Variants in NUP214 observed in about 807,000 individuals in gnomAD.
NUP214 encodes nuclear pore complex protein Nup214.
A neutral mutation model predicts 196.2 loss-of-function variants in NUP214; 79 were observed. That is an observed-to-expected ratio of 0.40 (90% CI 0.34 to 0.49). NUP214 has a LOEUF of 0.49. Ranked by LOEUF, NUP214 falls within the 20% of genes least tolerant of loss-of-function variation. The pLI is 0.58. For missense variants in NUP214, 2,468 were observed against 2,539.0 expected, an observed-to-expected ratio of 0.97 and a Z score of 0.60; for synonymous variants, 1,020 against 990.5, an observed-to-expected ratio of 1.03 and a Z score of -0.56.
At chr9:131,161,132 A>G (rs184966268) in intron 18 of NUP214, among the ~76,000 whole-genome samples, 1 of 152,236 alleles carries the variant, frequency 6.6e-6, no homozygotes, top group East Asian at 1.9e-4. Flanking sequence ...TGGATTTACT[A>G]CTTATGCTTT....
chr9:131,150,261 T>A, intron 14 of NUP214, 63 bp from the exon 15 acceptor site: 1 of 1,400,360 alleles, frequency 7.1e-7, no homozygotes, highest in Admixed American at 1.7e-5. Context: ...TGTAATAGGC[T>A]CTGATATAAT....
Position 131,189,114 on chromosome 9 carries a change from C to A in NUP214, c.3557C>A (p.Ser1186Tyr). 3 of 1,614,044 alleles carry A rather than the reference C, an allele frequency of 1.9e-6. No individual in the cohort carries two copies. Among genetic ancestry groups the A allele is most frequent in the Non-Finnish European group, 2.5e-6 (3 of 1,179,928 alleles). ...ACACCAGCATCCGGTCAGTTATCATCTGGTGACAAAGCTTCAGGTCAGTTT... is the reference window on the plus strand; with the variant it reads ...ACACCAGCATCCGGTCAGTTATCATATGGTGACAAAGCTTCAGGTCAGTTT... ...GPTPASGQLS[S>Y]GDKASGTAKI... The change falls in exon 26 of 36, where the codon TCT becomes TAT. Residue 1186 changes from serine (S) to tyrosine (Y), a missense_variant. Ser to Tyr is a moderately radical substitution (Grantham distance 144, BLOSUM62 -2). Around this residue, in one of 5 missense-constraint regions of NUP214, gnomAD observed 1,801 missense variants for 1,779.4 expected, o/e 1.01. Coordinates refer to ENST00000359428, the MANE Select transcript of NUP214 (RefSeq NM_005085.4).
chr9:131,180,040 G>A (rs1037224703), intron 24 of NUP214, among the ~76,000 whole-genome samples: 1 of 152,178 alleles, frequency 6.6e-6, no homozygotes, highest in Non-Finnish European at 1.5e-5. Context: ...AGCACCTTTT[G>A]GAGATTCCAC....
In NUP214 at chr9:131,187,328, A is replaced by G. The variant is rs1257595317; in HGVS notation, c.3459A>G (p.Pro1153=). The G allele has an allele frequency of 3.1e-6, 5 of 1,612,044 alleles. No homozygotes were observed. The highest frequency in any genetic ancestry group is 4.2e-6 in the Non-Finnish European group (5 of 1,179,480). The change falls in exon 25 of 36, where the codon CCA becomes CCG. Residue 1153 remains proline, a synonymous_variant. Coordinates refer to ENST00000359428, the MANE Select transcript of NUP214 (RefSeq NM_005085.4). ...ACTCCACAGCCAAAACACCTCACCC[A>G]GTGTTGACCCCAGTGGCTGCTAACC... The part of the protein sequence containing the change: ...VPYSTAKTPH[P]VLTPVAANQA...
chr9:131,223,986 G>A (rs1172663628), intron 32 of NUP214, among the ~76,000 whole-genome samples: 3 of 150,466 alleles, frequency 2.0e-5, no homozygotes, highest in African/African-American at 4.9e-5. Context: ...CGCCCGCCTC[G>A]GCCTCCCAAC....
chr9:131,163,363 C>G, intron 19 of NUP214, 190 bp downstream of exon 19: 1 of 561,630 alleles, frequency 1.8e-6, no homozygotes, highest in Admixed American at 3.6e-5. Flanking sequence ...ATACCTGCTT[C>G]GTGGGATTGT....
chr9:131,128,357 T>C lies in NUP214; in HGVS notation c.267T>C (p.Val89=). 6.2e-7 allele frequency: 1 copy of C among 1,613,006 alleles called. No homozygotes were observed. The highest frequency in any genetic ancestry group is 8.5e-7 in the Non-Finnish European group (1 of 1,179,434). ...TTGATAAAGTCCAAGGCTTGCTAGTTCCTATGAAATTCCCAATCCATCACC... is the reference window on the plus strand; with the variant it reads ...TTGATAAAGTCCAAGGCTTGCTAGTCCCTATGAAATTCCCAATCCATCACC... ...KIVDKVQGLL[V]PMKFPIHHLA... Residue 89 remains valine, a synonymous_variant, in exon 3 of 36, where the codon GTT becomes GTC. Coordinates refer to ENST00000359428, the MANE Select transcript of NUP214 (RefSeq NM_005085.4).
chr9:131,193,065 A>G (rs1185313870), intron 27 of NUP214, among the ~76,000 whole-genome samples: 1 of 152,004 alleles, frequency 6.6e-6, no homozygotes, highest in East Asian at 1.9e-4. Flanking sequence ...ATGTGGAGGA[A>G]TCTGTTTCCG....
chr9:131,196,398 T>C (rs991352160), intron 28 of NUP214, among the ~76,000 whole-genome samples: 3 of 152,154 alleles, frequency 2.0e-5, no homozygotes, highest in Admixed American at 2.0e-4. Flanking sequence ...CCTGACCTCG[T>C]GATCCACGTG....
intron 30 of NUP214, among the ~76,000 whole-genome samples, chr9:131,204,524 G>A (rs1314469283): frequency 1.3e-5 from 2 of 152,180 alleles, no homozygotes; most frequent in Non-Finnish European, 2.9e-5. Context: ...AAACGAATGC[G>A]CATGATTGTG....
At chr9:131,175,896 A>C in intron 23 of NUP214, 1 of 372,660 alleles carries the variant, frequency 2.7e-6, no homozygotes. Context: ...AAAATTGCTA[A>C]TCCTACTTTT....
chr9:131,129,521 A>G (rs377516963), intron 4 of NUP214, 44 bp downstream of exon 4: 16 of 1,567,714 alleles, frequency 1.0e-5, no homozygotes, highest in Non-Finnish European at 1.2e-5. Context: ...AATCATGGTC[A>G]TCTACTTAAG....
At chr9:131,149,592 A>T (rs1207111474) in intron 14 of NUP214, among the ~76,000 whole-genome samples, 1 of 151,646 alleles carries the variant, frequency 6.6e-6, no homozygotes, top group Non-Finnish European at 1.5e-5. Flanking sequence ...AAGCTGTTGC[A>T]CCTCTCACCT....
rs767912822 is a variant in NUP214, at chr9:131,222,752, C to T, written c.5750-26C>T. 15 of 1,602,970 alleles carry T rather than the reference C, an allele frequency of 9.4e-6. No homozygotes were observed. The Middle Eastern group carries it at 2.0e-3, about 213-fold the overall frequency. On this transcript the variant is annotated intron_variant, in intron 31 of 35. Coordinates refer to ENST00000359428, the MANE Select transcript of NUP214 (RefSeq NM_005085.4). ...GGTAAGGACATTTGTCTCCCTCTGA[C>T]CTCCCTCACATCTTCATCTCTTCAG...
At chr9:131,143,349 C>T (rs1364123297) in intron 11 of NUP214, among the ~76,000 whole-genome samples, 1 of 152,002 alleles carries the variant, frequency 6.6e-6, no homozygotes, top group South Asian at 2.1e-4. Context: ...ATTTGGATTG[C>T]ATTAAATATC....
chr9:131,142,321 T>G (rs976240031), intron 11 of NUP214, among the ~76,000 whole-genome samples: 1 of 152,262 alleles, frequency 6.6e-6, no homozygotes, highest in African/African-American at 2.4e-5. Flanking sequence ...CCAGTTTTAC[T>G]GTTAGCCTTT....
At position 131,175,481 on chromosome 9, in the gene NUP214, T is replaced by C; in HGVS notation, c.3179T>C (p.Ile1060Thr). 6.2e-7 allele frequency: 1 copy of C among 1,614,180 alleles called. No individual in the cohort carries two copies. The highest frequency in any genetic ancestry group is 8.5e-7 in the Non-Finnish European group (1 of 1,180,026). Residue 1060 changes from isoleucine to threonine, a missense_variant, in exon 23 of 36, where the codon ATT becomes ACT. Ile to Thr is a moderately conservative substitution (Grantham distance 89). Around this residue, in one of 5 missense-constraint regions of NUP214, gnomAD observed 1,801 missense variants for 1,779.4 expected, o/e 1.01. Coordinates refer to ENST00000359428, the MANE Select transcript of NUP214 (RefSeq NM_005085.4). The part of the protein sequence containing the change: ...GTSVATSASK[I>T]IPQGADSTML... The stretch of plus-strand genomic sequence containing the variant: ...TTAGTGGCTACATCTGCTAGCAAAA[T>C]TATTCCTCAAGGGGCCGATAGCACA...
In NUP214 at chr9:131,198,567, TAGCACAGCC is replaced by T. The variant is rs1833858584; in HGVS notation, c.5082_5090del (p.Ser1695_Ala1697del). The T allele has an allele frequency of 1.2e-6, 2 of 1,614,052 alleles. No individual in the cohort carries two copies. The highest frequency in any genetic ancestry group is 2.7e-5 in the African/African-American group (2 of 74,924). ...CAAGTCTGTTTGGGCAGCAGACTGG[TAGCACAGCC>T]AGCACAGCAGCTGCCACACCACAGG... is the stretch of plus-strand genomic sequence containing the variant. On this transcript the variant is annotated inframe_deletion, in exon 29 of 36. Coordinates refer to ENST00000359428, the MANE Select transcript of NUP214 (RefSeq NM_005085.4).
chr9:131,207,237 A>G (rs1834112493), intron 30 of NUP214, among the ~76,000 whole-genome samples: 1 of 152,242 alleles, frequency 6.6e-6, no homozygotes, highest in Admixed American at 6.5e-5. Flanking sequence ...AAAACCTAGT[A>G]GCCTGCAACA....
Sources: gnomAD v4.1 joint callset for allele counts (sites outside exome capture counted in the v4.1 genomes callset) on GRCh38, gnomAD v4.1.1 for gene constraint, gnomAD v4.1.1 regional missense constraint, MANE v1.5 for transcripts, NCBI Gene and HGNC (gene_info 2026-07-23, HGNC 2026-07-21) for gene names.